ZBTB20: variants seen among roughly 807,000 people sequenced by gnomAD.
The protein encoded by ZBTB20 is zinc finger and BTB domain-containing protein 20.
Under a neutral mutation model 56.9 loss-of-function variants are expected in ZBTB20, and 9 were observed. That is an observed-to-expected ratio of 0.16 (90% CI 0.10 to 0.28). The LOEUF is 0.28. Among genes scored for constraint, ZBTB20 ranks in the 10% least tolerant of loss-of-function variants. The pLI, the probability that ZBTB20 is intolerant of heterozygous loss-of-function variation, is 1.00. For missense variants in ZBTB20, 655 were observed against 1,003.0 expected (o/e 0.65, Z 4.69); for synonymous variants, 417 against 420.7 (o/e 0.99, Z 0.11).
chr3:114,642,082 T>G (rs1390546957), intron 6 of ZBTB20, among the ~76,000 whole-genome samples: 1 of 152,042 alleles, frequency 6.6e-6, no homozygotes. Context: ...TTCTATCAAC[T>G]AATTCTTTGT....
chr3:115,055,477 A>T (rs2081739297), intron 2 of ZBTB20, among the ~76,000 whole-genome samples: 1 of 152,140 alleles, frequency 6.6e-6, no homozygotes, highest in Non-Finnish European at 1.5e-5. Flanking sequence ...AAATAGTGAG[A>T]TAAATGTTTG....
chr3:114,764,458 TTG>T (rs2108712603), intron 5 of ZBTB20, among the ~76,000 whole-genome samples: 1 of 152,292 alleles, frequency 6.6e-6, no homozygotes, highest in South Asian at 2.1e-4. Flanking sequence ...GGTTAGCAGC[TTG>T]GGGTGCAGGC....
At chr3:114,366,759 C>G (rs1258499922) in intron 10 of ZBTB20, 1 of 152,206 alleles carries the variant, frequency 6.6e-6, no homozygotes, top group African/African-American at 2.4e-5. Flanking sequence ...CATGCATTAC[C>G]AAAAACCGTG....
chr3:115,136,498 T>C (rs2084657041), intron 1 of ZBTB20, among the ~76,000 whole-genome samples: 1 of 149,776 alleles, frequency 6.7e-6, no homozygotes, highest in Non-Finnish European at 1.5e-5. Flanking sequence ...AATGTTACCT[T>C]TCCTAAGTGA....
chr3:114,444,861 T>C (rs1463305595), intron 7 of ZBTB20, among the ~76,000 whole-genome samples: 1 of 151,584 alleles, frequency 6.6e-6, no homozygotes, highest in East Asian at 2.0e-4. Context: ...TTCTCTATTT[T>C]GTTAAGTTTT....
intron 2 of ZBTB20, among the ~76,000 whole-genome samples, chr3:115,035,554 C>T (rs182926765): frequency 5.3e-5 from 8 of 152,006 alleles, no homozygotes; most frequent in Admixed American, 4.6e-4. Flanking sequence ...AACACACACA[C>T]ACACACACAC....
At chr3:114,574,449 A>G (rs11914467) in intron 6 of ZBTB20, among the ~76,000 whole-genome samples, 18,657 of 152,262 alleles carry the variant, frequency 0.12, 1,595 homozygotes, top group African/African-American at 0.24. Flanking sequence ...CCAGCACTGA[A>G]AATTACTATT....
At chr3:115,128,522 G>T (rs958887346) in intron 1 of ZBTB20, among the ~76,000 whole-genome samples, 1 of 151,748 alleles carries the variant, frequency 6.6e-6, no homozygotes, top group African/African-American at 2.4e-5. Context: ...AAATTAGCTG[G>T]GTGTGGCGGC....
chr3:114,735,206 T>C (rs1378953092), intron 5 of ZBTB20, among the ~76,000 whole-genome samples: 1 of 152,138 alleles, frequency 6.6e-6, no homozygotes, highest in Non-Finnish European at 1.5e-5. Context: ...TGATAAATAA[T>C]CTGAATTTGA....
intron 6 of ZBTB20, among the ~76,000 whole-genome samples, chr3:114,532,682 C>T (rs2047994481): frequency 6.6e-6 from 1 of 152,202 alleles, no homozygotes. Flanking sequence ...GACCCCCATG[C>T]CTCCTCACTG....
rs2078835919 is a variant in ZBTB20, at chr3:114,319,981, T to C, written c.*19024A>G. The C allele has an allele frequency of 6.6e-6, 1 of 152,194 alleles. No homozygotes were observed. Among genetic ancestry groups the C allele is most frequent in the Non-Finnish European group, 1.5e-5 (1 of 68,028 alleles). The allele number at this position is 152,194 out of a possible 1,614,324, so 9.4% of individuals were successfully genotyped here. On this transcript the variant is annotated 3_prime_UTR_variant, in exon 12 of 12. Coordinates refer to ENST00000675478, the MANE Select transcript of ZBTB20 (RefSeq NM_001348800.3). ...AGGAAGGCTGGGGTTATTTCCTCCATACTTTCTTCCACATTTAACCTGTTT... is the reference window on the plus strand; with the variant it reads ...AGGAAGGCTGGGGTTATTTCCTCCACACTTTCTTCCACATTTAACCTGTTT...
At chr3:114,778,044 A>G (rs1227517097) in intron 5 of ZBTB20, among the ~76,000 whole-genome samples, 2 of 137,946 alleles carry the variant, frequency 1.4e-5, no homozygotes, top group Non-Finnish European at 3.1e-5. Context: ...GAATTGAACA[A>G]TGAGAACACA....
At chr3:114,788,596 A>G (rs1190246239) in intron 5 of ZBTB20, among the ~76,000 whole-genome samples, 1 of 152,094 alleles carries the variant, frequency 6.6e-6, no homozygotes, top group Non-Finnish European at 1.5e-5. Context: ...TTGGCTATCA[A>G]CTGTGCATTC....
At chr3:114,958,666 G>C (rs1406031007) in intron 3 of ZBTB20, among the ~76,000 whole-genome samples, 1 of 151,886 alleles carries the variant, frequency 6.6e-6, no homozygotes, top group South Asian at 2.1e-4. Flanking sequence ...TGGCCAACAT[G>C]GTGAAACCCC....
intron 6 of ZBTB20, among the ~76,000 whole-genome samples, chr3:114,573,097 G>A (rs1473816975): frequency 2.0e-5 from 3 of 152,172 alleles, no homozygotes; most frequent in African/African-American, 4.8e-5. Flanking sequence ...AAGAGAGGAT[G>A]ATCCCATATA....
chr3:114,883,916 CTTT>C lies in ZBTB20; in HGVS notation c.-417+16385_-417+16387del, dbSNP rs869141975. Among the ~76,000 whole-genome samples, 87 of 89,824 alleles carry C rather than the reference CTTT, an allele frequency of 9.7e-4. 22 individuals are homozygous for C. The highest frequency in any genetic ancestry group is 1.5e-3 in the Non-Finnish European group (69 of 46,736). 58.9% of individuals were successfully genotyped at this position (89,824 alleles called of 152,430 possible). On this transcript the variant is annotated intron_variant, in intron 4 of 11. Coordinates refer to ENST00000675478, the MANE Select transcript of ZBTB20 (RefSeq NM_001348800.3). ...GTATAACTGGTAAGAATGGTGTGTT[CTTT>C]TTTTTTTTTTTTTTTTTTTTTTTTG...
intron 2 of ZBTB20, among the ~76,000 whole-genome samples, chr3:115,069,630 G>A (rs2082334707): frequency 6.6e-6 from 1 of 152,090 alleles, no homozygotes; most frequent in Non-Finnish European, 1.5e-5. Context: ...TGGACAGAAT[G>A]TCTCTGCTAA....
At chr3:114,398,135 G>T (rs2108678324) in intron 7 of ZBTB20, among the ~76,000 whole-genome samples, 1 of 152,202 alleles carries the variant, frequency 6.6e-6, no homozygotes. Flanking sequence ...ATATAAAAAT[G>T]TATCCTTTAT....
intron 3 of ZBTB20, among the ~76,000 whole-genome samples, chr3:114,922,607 A>G (rs76034545): frequency 1.3e-5 from 2 of 152,190 alleles, no homozygotes; most frequent in South Asian, 2.1e-4. Flanking sequence ...GGTAATTTAT[A>G]AAGAGAAAAA....
Sources: allele counts gnomAD v4.1 joint callset (sites outside exome capture counted in the v4.1 genomes callset), GRCh38; gene constraint gnomAD v4.1.1; transcripts MANE v1.5; gene names NCBI Gene and HGNC (gene_info 2026-07-23, HGNC 2026-07-21).